Variants in G2E3 observed in about 807,000 individuals in gnomAD.
The protein encoded by G2E3 is G2/M phase-specific E3 ubiquitin-protein ligase.
G2E3 carries 35 observed loss-of-function variants against 92.8 expected under a neutral mutation model. The observed-to-expected ratio is 0.38, with a 90% CI of 0.29 to 0.50. G2E3 has a LOEUF of 0.50. G2E3 is among the 20% of genes least tolerant of loss of function. The probability of loss-of-function intolerance (pLI) is 0.94; values close to 1 mark genes in which losing one functional copy is unlikely to be tolerated. For missense variants in G2E3, 554 were observed against 823.8 expected, an observed-to-expected ratio of 0.67 and a Z score of 4.01; for synonymous variants, 242 against 272.4, an observed-to-expected ratio of 0.89 and a Z score of 1.10.
intron 6 of G2E3, among the ~76,000 whole-genome samples, chr14:30,596,133 T>TGC (rs1299921172): frequency 3.4e-5 from 2 of 59,572 alleles, no homozygotes; most frequent in Non-Finnish European, 8.1e-5. Context: ...TGGGTGGGTG[T>TGC]GCGTGTGTGT....
chr14:30,583,491 C>T (rs890319072), intron 2 of G2E3, among the ~76,000 whole-genome samples: 3 of 152,044 alleles, frequency 2.0e-5, no homozygotes, highest in Admixed American at 6.6e-5. Flanking sequence ...CTCATAGAAA[C>T]GGTATAGTGC....
In G2E3 at chr14:30,601,853, ATT is replaced by A; in HGVS notation, c.837_838del (p.Asn279LysfsTer7). ...TCCTCATTACGGTCATGGGAGCAAA[ATT>A]GGGAGTGTTTGGAATGTAGGGGTAT... On this transcript the variant is annotated frameshift_variant, in exon 9 of 15. Transcript: ENST00000206595. LOFTEE classifies it high-confidence loss of function. 6.2e-7 allele frequency: 1 copy of A among 1,613,838 alleles called. No individual in the cohort carries two copies.
At chr14:30,601,108 C>T (rs1365430120) in intron 8 of G2E3, among the ~76,000 whole-genome samples, 1 of 152,172 alleles carries the variant, frequency 6.6e-6, no homozygotes, top group South Asian at 2.1e-4. Flanking sequence ...AGTTACCTCT[C>T]TTGCCACTCA....
Position 30,605,678 on chromosome 14 carries a change from T to A in G2E3, c.1184T>A (p.Val395Asp). 1 of 1,609,660 alleles carries A rather than the reference T, an allele frequency of 6.2e-7. No homozygotes were observed. The highest frequency in any genetic ancestry group is 8.5e-7 in the Non-Finnish European group (1 of 1,176,594). Residue 395 changes from valine (V) to aspartate (D), a missense_variant, in exon 11 of 15, where the codon GTT becomes GAT. This residue lies in a region of G2E3 where 397 missense variants were observed against 560.3 expected (regional missense o/e 0.71). Coordinates refer to ENST00000206595, the MANE Select transcript of G2E3 (RefSeq NM_017769.5). ...NPSYAIEVAY[V>D]IENDNFGSEH... Reference sequence around the variant, plus strand: ...TCATATGCAATTGAAGTAGCATATGTTATTGAAAATGATAATTTTGGAAGT... The same window carrying A: ...TCATATGCAATTGAAGTAGCATATGATATTGAAAATGATAATTTTGGAAGT...
At chr14:30,559,559 G>T (rs1344349882) in intron 1 of G2E3, 1 of 152,190 alleles carries the variant, frequency 6.6e-6, no homozygotes, top group Non-Finnish European at 1.5e-5. Flanking sequence ...CGCATCCTCC[G>T]TGGCTTTTTT....
At chr14:30,595,290 A>G (rs1594493991) in intron 6 of G2E3, among the ~76,000 whole-genome samples, 1 of 152,234 alleles carries the variant, frequency 6.6e-6, no homozygotes, top group East Asian at 1.9e-4. Context: ...TTATATGAGA[A>G]TCTTTAAAAA....
chr14:30,601,988 T>C lies in G2E3; in HGVS notation c.878-11T>C, dbSNP rs1881590575. 6.2e-7 allele frequency: 1 copy of C among 1,608,178 alleles called. No individual in the cohort carries two copies. Among genetic ancestry groups the C allele is most frequent in the East Asian group, 2.2e-5 (1 of 44,812 alleles). On this transcript the variant is annotated splice_polypyrimidine_tract_variant and intron_variant, in intron 9 of 14. Coordinates refer to ENST00000206595, the MANE Select transcript of G2E3 (RefSeq NM_017769.5). The stretch of plus-strand genomic sequence containing the variant: ...TCTCTATTATGCTAACATGGAAATT[T>C]AAATCTGTAGGAGAGTTCCAAAAAG...
Position 30,589,430 on chromosome 14 carries a change from T to C in G2E3, c.183T>C (p.Val61=). The part of the protein sequence containing the change: ...IWQRGKEEEG[V]YGFLIEDIRK... ...AGAGAGGCAAAGAAGAAGAAGGAGT[T>C]TATGGTTTTCTAATAGAAGATATCA... is the stretch of plus-strand genomic sequence containing the variant. The change falls in exon 4 of 15, where the codon GTT becomes GTC. Residue 61 remains valine (V), a synonymous_variant. Coordinates refer to ENST00000206595, the MANE Select transcript of G2E3 (RefSeq NM_017769.5). 1 of 1,605,692 alleles carries C rather than the reference T, an allele frequency of 6.2e-7. No homozygotes were observed.
At chr14:30,590,376 A>G (rs1880938968) in intron 4 of G2E3, among the ~76,000 whole-genome samples, 1 of 152,158 alleles carries the variant, frequency 6.6e-6, no homozygotes, top group East Asian at 1.9e-4. Context: ...CTAGGAAGTT[A>G]GCAGATAACA....
intron 3 of G2E3, among the ~76,000 whole-genome samples, chr14:30,587,373 A>G (rs1880769708): frequency 6.6e-6 from 1 of 152,160 alleles, no homozygotes; most frequent in Admixed American, 6.5e-5. Flanking sequence ...CACCTCACTG[A>G]ATTCATGCCT....
intron 2 of G2E3, among the ~76,000 whole-genome samples, chr14:30,581,335 C>A (rs772392547): frequency 2.6e-5 from 4 of 151,714 alleles, no homozygotes. Context: ...AGATATGGTT[C>A]GTATCTCAAT....
chr14:30,605,446 C>T, intron 10 of G2E3, 59 bp from the exon 11 acceptor site: 1 of 614,346 alleles, frequency 1.6e-6, no homozygotes, highest in Non-Finnish European at 2.8e-6. Context: ...TATATAACTG[C>T]TGTTTCACAT....
intron 3 of G2E3, among the ~76,000 whole-genome samples, chr14:30,588,638 G>T (rs1488722260): frequency 6.6e-6 from 1 of 152,084 alleles, no homozygotes; most frequent in Admixed American, 6.6e-5. Flanking sequence ...ATGCTAGAGC[G>T]GAAAGAGACT....
At position 30,607,955 on chromosome 14, in the gene G2E3, T is replaced by A. The variant is rs1281367458; in HGVS notation, c.1386T>A (p.Pro462=). The A allele has an allele frequency of 1.9e-6, 3 of 1,607,666 alleles. No individual in the cohort carries two copies. The African/African-American group carries it at 4.0e-5, about 22-fold the overall frequency. The change falls in exon 12 of 15, where the codon CCT becomes CCA. Residue 462 remains proline (P), a synonymous_variant. Transcript: ENST00000206595. ...MLAISLVHGG[P]SPGFFSKTLF... is the part of the protein sequence containing the mutation. The stretch of plus-strand genomic sequence containing the variant: ...CCATTTCTTTAGTTCACGGTGGTCC[T>A]TCACCTGGTTTCTTTTCTAAAACCT...
At chr14:30,578,015 T>C (rs1004190600) in intron 1 of G2E3, among the ~76,000 whole-genome samples, 1 of 152,204 alleles carries the variant, frequency 6.6e-6, no homozygotes, top group African/African-American at 2.4e-5. Flanking sequence ...TTAATTCTGC[T>C]TGGGAAGTCT....
intron 2 of G2E3, among the ~76,000 whole-genome samples, chr14:30,585,817 A>T (rs534431705): frequency 1.3e-5 from 2 of 152,078 alleles, no homozygotes; most frequent in South Asian, 4.1e-4. Context: ...CTTTTTTAAC[A>T]TAGGCTTGCA....
chr14:30,602,208 G>A (rs1311542585), intron 10 of G2E3, 77 bp downstream of exon 10: 2 of 1,115,854 alleles, frequency 1.8e-6, no homozygotes, highest in East Asian at 4.8e-5. Context: ...TATACATTTA[G>A]AATATTAGGT....
rs749795952 is a variant in G2E3, at chr14:30,619,142, C to A, written c.*2608C>A. The A allele has an allele frequency of 3.9e-5, 6 of 152,056 alleles. No individual in the cohort carries two copies. The highest frequency in any genetic ancestry group is 8.8e-5 in the Non-Finnish European group (6 of 67,936). The allele number at this position is 152,056 out of a possible 1,614,324, so 9.4% of individuals were successfully genotyped here. A position where few individuals can be genotyped will look rare whatever the true frequency, so the allele number is the denominator to read the frequency against. Reference sequence around the variant, plus strand: ...TTTAAAATATCTCACCAGAAACTTACAATTTTATACTTTGTAATTTTTAGT... The same window carrying A: ...TTTAAAATATCTCACCAGAAACTTAAAATTTTATACTTTGTAATTTTTAGT... On this transcript the variant is annotated 3_prime_UTR_variant, in exon 15 of 15. Coordinates refer to ENST00000206595, the MANE Select transcript of G2E3 (RefSeq NM_017769.5).
intron 5 of G2E3, among the ~76,000 whole-genome samples, chr14:30,593,003 A>G (rs1264213712): frequency 1.3e-5 from 2 of 152,132 alleles, no homozygotes; most frequent in African/African-American, 2.4e-5. Context: ...ATGGATTGTT[A>G]TCATGTAAGA....
Sources: gnomAD v4.1 joint callset for allele counts (sites outside exome capture counted in the v4.1 genomes callset) on GRCh38, gnomAD v4.1.1 for gene constraint, gnomAD v4.1.1 regional missense constraint, MANE v1.5 for transcripts, NCBI Gene and HGNC (gene_info 2026-07-23, HGNC 2026-07-21) for gene names.